The following NRXN1 variants were observed in gnomAD, a reference collection of about 807,000 sequenced individuals.
NRXN1 encodes neurexin 1.
A neutral mutation model predicts 150.9 loss-of-function variants in NRXN1; 39 were observed. The observed-to-expected ratio is 0.26, with a 90% CI of 0.20 to 0.34. NRXN1 has a LOEUF of 0.34. Among genes scored for constraint, NRXN1 ranks in the 10% least tolerant of loss-of-function variants. The pLI, the probability that NRXN1 is intolerant of heterozygous loss-of-function variation, is 1.00. For missense variants in NRXN1, 1,815 were observed against 1,949.9 expected, an observed-to-expected ratio of 0.93 and a Z score of 1.30; for synonymous variants, 924 against 757.0, an observed-to-expected ratio of 1.22 and a Z score of -3.62.
intron 17 of NRXN1, among the ~76,000 whole-genome samples, chr2:50,278,256 T>A (rs557736931): frequency 4.5e-4 from 46 of 102,354 alleles, no homozygotes; most frequent in Middle Eastern, 4.7e-3. Context: ...ATATATATAT[T>A]ATATATATTA....
intron 5 of NRXN1, among the ~76,000 whole-genome samples, chr2:50,762,493 T>C (rs1574390102): frequency 6.6e-6 from 1 of 151,818 alleles, no homozygotes; most frequent in Non-Finnish European, 1.5e-5. Context: ...CCCCATTCCC[T>C]CCCTCTCCCT....
intron 8 of NRXN1, among the ~76,000 whole-genome samples, chr2:50,598,268 C>T (rs1675570427): frequency 6.6e-6 from 1 of 152,158 alleles, no homozygotes; most frequent in Admixed American, 6.5e-5. Flanking sequence ...TGCCACTGCA[C>T]TGACATCACA....
chr2:50,100,950 T>C (rs1350378665), intron 18 of NRXN1, among the ~76,000 whole-genome samples: 4 of 152,200 alleles, frequency 2.6e-5, no homozygotes, highest in Admixed American at 6.5e-5. Context: ...TCACAGGTAA[T>C]ACTTTCCATT....
intron 5 of NRXN1, among the ~76,000 whole-genome samples, chr2:50,798,352 G>T (rs935187970): frequency 1.4e-4 from 22 of 152,064 alleles, no homozygotes; most frequent in South Asian, 2.1e-4. Flanking sequence ...ACCAGAAATT[G>T]CTTTTTAAGT....
At chr2:50,096,183 C>T (rs985663689) in intron 18 of NRXN1, among the ~76,000 whole-genome samples, 1 of 151,910 alleles carries the variant, frequency 6.6e-6, no homozygotes, top group African/African-American at 2.4e-5. Flanking sequence ...TCTACTTCAC[C>T]CCAAGTTGCA....
chr2:51,004,638 G>A (rs542545274), intron 2 of NRXN1, among the ~76,000 whole-genome samples: 7 of 150,980 alleles, frequency 4.6e-5, no homozygotes, highest in African/African-American at 1.2e-4. Flanking sequence ...CCAAGACTCC[G>A]TCTCAAAAAT....
At chr2:50,373,029 C>A (rs1215641525) in intron 17 of NRXN1, among the ~76,000 whole-genome samples, 4 of 152,002 alleles carry the variant, frequency 2.6e-5, no homozygotes, top group Non-Finnish European at 5.9e-5. Flanking sequence ...TTATAAAAGA[C>A]ATTGAGCATT....
chr2:50,652,927 G>C (rs1046954691), intron 5 of NRXN1, among the ~76,000 whole-genome samples: 1 of 151,902 alleles, frequency 6.6e-6, no homozygotes, highest in Non-Finnish European at 1.5e-5. Flanking sequence ...TTCCCTATTG[G>C]CTAATGATGT....
intron 18 of NRXN1, among the ~76,000 whole-genome samples, chr2:50,161,231 T>C (rs932785083): frequency 8.5e-5 from 13 of 152,166 alleles, no homozygotes; most frequent in African/African-American, 3.1e-4. Flanking sequence ...TTATCTATTA[T>C]ATTACTTCAT....
chr2:50,589,431 A>C (rs1045401851), intron 8 of NRXN1: 1 of 152,106 alleles, frequency 6.6e-6, no homozygotes, highest in African/African-American at 2.4e-5. Flanking sequence ...GACATGGCTC[A>C]CTGCAACCTC....
intron 17 of NRXN1, among the ~76,000 whole-genome samples, chr2:50,328,589 T>A (rs1297599263): frequency 6.6e-6 from 1 of 151,456 alleles, no homozygotes; most frequent in East Asian, 1.9e-4. Flanking sequence ...CAAAAAAAAA[T>A]AGCTGGCATA....
chr2:49,977,203 G>T (rs1425273141), intron 21 of NRXN1, among the ~76,000 whole-genome samples: 1 of 152,088 alleles, frequency 6.6e-6, no homozygotes, highest in Non-Finnish European at 1.5e-5. Flanking sequence ...ATTACAATTT[G>T]AATAATTTAA....
intron 17 of NRXN1, among the ~76,000 whole-genome samples, chr2:50,396,858 A>G (rs2082083644): frequency 1.3e-5 from 2 of 152,300 alleles, no homozygotes; most frequent in South Asian, 2.1e-4. Flanking sequence ...AGGTTTCTCA[A>G]CAATTTTACA....
At chr2:50,537,951 T>C (rs1165704570) in intron 10 of NRXN1, among the ~76,000 whole-genome samples, 1 of 152,102 alleles carries the variant, frequency 6.6e-6, no homozygotes, top group Non-Finnish European at 1.5e-5. Flanking sequence ...AGTTAAAAAC[T>C]GGGCAAAAAA....
chr2:50,885,945 T>A (rs1468656536), intron 5 of NRXN1, among the ~76,000 whole-genome samples: 1 of 151,112 alleles, frequency 6.6e-6, no homozygotes, highest in Non-Finnish European at 1.5e-5. Flanking sequence ...TGGGGGAGAA[T>A]AAAATACAAA....
intron 8 of NRXN1, among the ~76,000 whole-genome samples, chr2:50,575,285 T>G (rs1052379999): frequency 4.6e-5 from 7 of 152,222 alleles, no homozygotes; most frequent in African/African-American, 9.6e-5. Context: ...ACAAAATGAA[T>G]GAAGTTTGTG....
chr2:50,902,287 T>G (rs1248099297), intron 5 of NRXN1, among the ~76,000 whole-genome samples: 1 of 150,266 alleles, frequency 6.7e-6, no homozygotes, highest in Non-Finnish European at 1.5e-5. Context: ...ATCACTGAAG[T>G]AAAAACAGAC....
At chr2:50,895,203 C>A (rs907176503) in intron 5 of NRXN1, among the ~76,000 whole-genome samples, 2 of 152,106 alleles carry the variant, frequency 1.3e-5, no homozygotes, top group African/African-American at 4.8e-5. Context: ...TGAAAGAGAA[C>A]ATACCCTATT....
At chr2:51,001,050 G>A (rs2105087362) in intron 2 of NRXN1, among the ~76,000 whole-genome samples, 1 of 152,090 alleles carries the variant, frequency 6.6e-6, no homozygotes, top group South Asian at 2.1e-4. Context: ...AAAGTGTGGT[G>A]AAGGCTAAAG....
Sources: allele counts gnomAD v4.1 joint callset (sites outside exome capture counted in the v4.1 genomes callset), GRCh38; gene constraint gnomAD v4.1.1; transcripts MANE v1.5; gene names NCBI Gene and HGNC (gene_info 2026-07-23, HGNC 2026-07-21).